The following PCDHB10 variants were observed in gnomAD, a reference collection of about 807,000 sequenced individuals.
The protein encoded by PCDHB10 is protocadherin beta 10, also known as protocadherin beta-10.
For missense variants in PCDHB10, 1,046 were observed against 1,004.7 expected (o/e 1.04, Z -0.56); for synonymous variants, 448 against 449.2 (o/e 1.00, Z 0.04).
rs782681566 is a variant in PCDHB10, at chr5:141,194,334, C to T, written c.1782C>T (p.Gly594=). The change falls in exon 1 of 1, where the codon GGC becomes GGT. Residue 594 remains glycine (G), a synonymous_variant. Transcript: ENST00000239446. Reference sequence around the variant, plus strand: ...TGACCAAGGTGGTGGCGGTGGACGGCGACTCGGGCCAGAACGCCTGGCTGT... The same window carrying T: ...TGACCAAGGTGGTGGCGGTGGACGGTGACTCGGGCCAGAACGCCTGGCTGT... ...YLVTKVVAVD[G]DSGQNAWLSY... 201 of 1,600,874 alleles carry T rather than the reference C, an allele frequency of 1.3e-4. No homozygotes were observed. The highest frequency in any genetic ancestry group is 2.2e-4 in the Middle Eastern group (1 of 4,446).
chr5:141,194,185 G>A lies in PCDHB10; in HGVS notation c.1633G>A (p.Ala545Thr). Residue 545 changes from alanine to threonine, a missense_variant, in exon 1 of 1, where the codon GCG becomes ACG. Physicochemically the swap from Ala to Thr is moderately conservative, Grantham distance 58 (BLOSUM62 0). Transcript: ENST00000239446. ...DRGSPALSRE[A>T]LVRVLVLDAN... ...CGGCTCCCCCGCGCTGAGCAGAGAG[G>A]CGCTGGTGCGCGTGCTGGTGCTGGA... 1.2e-6 allele frequency: 2 copies of A among 1,602,986 alleles called. No homozygotes were observed. The highest frequency in any genetic ancestry group is 1.7e-6 in the Non-Finnish European group (2 of 1,177,866).
In PCDHB10 at chr5:141,192,922, A is replaced by G. The variant is rs377292142; in HGVS notation, c.370A>G (p.Arg124Gly). ...GATTTACCGGGCTGAGCTGAGAGTC[A>G]GGGATATAAATGATCACGCGCCAGT... Reference protein sequence around the residue: ...FQIYRAELRVRDINDHAPVFQ... With the variant: ...FQIYRAELRVGDINDHAPVFQ... The change falls in exon 1 of 1, where the codon AGG (arginine) becomes GGG (glycine). Residue 124 changes from arginine (R) to glycine (G), a missense_variant. Physicochemically the swap from Arg to Gly is moderately radical, Grantham distance 125. Transcript: ENST00000239446. 61 of 1,614,164 alleles carry G rather than the reference A, an allele frequency of 3.8e-5. No homozygotes were observed. The African/African-American group carries it at 6.4e-4, about 17-fold the overall frequency.
Position 141,193,030 on chromosome 5 carries a change from C to A in PCDHB10, c.478C>A (p.Pro160Thr), listed in dbSNP as rs782805059. ...ATTTAGACTAGAAAGAGCACAGGAT[C>A]CAGATGGAGGACTTAACGGTATCCA... ...TAFRLERAQD[P>T]DGGLNGIQNY... Residue 160 changes from proline to threonine, a missense_variant, in exon 1 of 1, where the codon CCA (proline) becomes ACA (threonine). By Grantham distance (38) the Pro-to-Thr change is conservative (BLOSUM62 -1). Coordinates refer to ENST00000239446, the MANE Select transcript of PCDHB10 (RefSeq NM_018930.4). 1.2e-5 allele frequency: 20 copies of A among 1,614,044 alleles called. No homozygotes were observed. In the East Asian group the frequency reaches 2.9e-4, roughly 23 times the overall value.
Position 141,192,564 on chromosome 5 carries a change from A to G in PCDHB10, c.12A>G (p.Arg4=). 2 of 1,613,628 alleles carry G rather than the reference A, an allele frequency of 1.2e-6. No homozygotes were observed. Among genetic ancestry groups the G allele is most frequent in the African/African-American group, 1.3e-5 (1 of 74,924 alleles). The change falls in exon 1 of 1, where the codon AGA becomes AGG. Residue 4 remains arginine (R), a synonymous_variant. Transcript: ENST00000239446. MAV[R]ELCFPRQRQV... ...CGTATGCAGCAGCTATGGCTGTCAG[A>G]GAGTTGTGCTTCCCAAGACAAAGGC... is the stretch of plus-strand genomic sequence containing the variant.
At position 141,192,453 on chromosome 5, in the gene PCDHB10, C is replaced by A. The variant is rs1168168768; in HGVS notation, c.-100C>A. 4 of 1,460,176 alleles carry A rather than the reference C, an allele frequency of 2.7e-6. No individual in the cohort carries two copies. The highest frequency in any genetic ancestry group is 3.7e-6 in the Non-Finnish European group (4 of 1,081,748). The allele number at this position is 1,460,176 out of a possible 1,614,324, so 90.5% of individuals were successfully genotyped here. A position where few individuals can be genotyped will look rare whatever the true frequency, so the allele number is the denominator to read the frequency against. On this transcript the variant is annotated 5_prime_UTR_variant, in exon 1 of 1. Coordinates refer to ENST00000239446, the MANE Select transcript of PCDHB10 (RefSeq NM_018930.4). ...TGGGAAAGGGAAAGGACAAAAAAGA[C>A]CCCTGGGCTACACGGCGTAGGTGCA...
chr5:141,194,846 A>C lies in PCDHB10; in HGVS notation c.2294A>C (p.Glu765Ala), dbSNP rs1754020315. 2 of 1,614,074 alleles carry C rather than the reference A, an allele frequency of 1.2e-6. No individual in the cohort carries two copies. Among genetic ancestry groups the C allele is most frequent in the East Asian group, 4.5e-5 (2 of 44,894 alleles). Residue 765 changes from glutamate (E) to alanine (A), a missense_variant, in exon 1 of 1, where the codon GAG becomes GCG. Transcript: ENST00000239446. ...CTGACGGGAGGCCCCGGGACCAGTG[A>C]GTTCAAGTTCTTGAAACCAGTTATT... The part of the protein sequence containing the change: ...VCLTGGPGTS[E>A]FKFLKPVISD...
In PCDHB10 at chr5:141,195,572, A is replaced by G. The variant is rs533318025; in HGVS notation, c.*617A>G. ...CTTTTGCTGATGTATAAAACAGACT[A>G]TGCCTTATAATTGAAATAAAATTAT... On this transcript the variant is annotated 3_prime_UTR_variant, in exon 1 of 1. Coordinates refer to ENST00000239446, the MANE Select transcript of PCDHB10 (RefSeq NM_018930.4). The G allele has an allele frequency of 6.0e-5, 10 of 166,828 alleles. No homozygotes were observed. The highest frequency in any genetic ancestry group is 2.4e-4 in the African/African-American group (10 of 41,566). 10.3% of individuals were successfully genotyped at this position (166,828 alleles called of 1,614,324 possible).
In PCDHB10 at chr5:141,194,830, G is replaced by A. The variant is rs782692095; in HGVS notation, c.2278G>A (p.Gly760Ser). ...CCAGTATGAGGTGTGTCTGACGGGA[G>A]GCCCCGGGACCAGTGAGTTCAAGTT... ...SYQYEVCLTG[G>S]PGTSEFKFLK... The change falls in exon 1 of 1, where the codon GGC becomes AGC. Residue 760 changes from glycine (G) to serine (S), a missense_variant. Coordinates refer to ENST00000239446, the MANE Select transcript of PCDHB10 (RefSeq NM_018930.4). The A allele has an allele frequency of 4.3e-6, 7 of 1,614,046 alleles. No homozygotes were observed. The Admixed American group carries it at 6.7e-5, about 15-fold the overall frequency.
Position 141,194,828 on chromosome 5 carries a change from G to T in PCDHB10, c.2276G>T (p.Gly759Val). The change falls in exon 1 of 1, where the codon GGA (glycine) becomes GTA (valine). Residue 759 changes from glycine (G) to valine (V), a missense_variant. Coordinates refer to ENST00000239446, the MANE Select transcript of PCDHB10 (RefSeq NM_018930.4). ...QSYQYEVCLT[G>V]GPGTSEFKFL... is the part of the protein sequence containing the mutation. ...TACCAGTATGAGGTGTGTCTGACGG[G>T]AGGCCCCGGGACCAGTGAGTTCAAG... The T allele has an allele frequency of 1.9e-6, 3 of 1,614,178 alleles. No individual in the cohort carries two copies. The highest frequency in any genetic ancestry group is 2.2e-5 in the East Asian group (1 of 44,872).
chr5:141,192,557 C>G lies in PCDHB10; in HGVS notation c.5C>G (p.Ala2Gly). The G allele has an allele frequency of 6.2e-7, 1 of 1,613,248 alleles. No individual in the cohort carries two copies. The change falls in exon 1 of 1, where the codon GCT becomes GGT. Residue 2 changes from alanine to glycine, a missense_variant. Physicochemically the swap from Ala to Gly is moderately conservative, Grantham distance 60. Transcript: ENST00000239446. ...GAAATAACGTATGCAGCAGCTATGG[C>G]TGTCAGAGAGTTGTGCTTCCCAAGA... is the stretch of plus-strand genomic sequence containing the variant. The part of the protein sequence containing the change: M[A>G]VRELCFPRQR...
Position 141,192,488 on chromosome 5 carries a change from A to G in PCDHB10, c.-65A>G. 1.3e-6 allele frequency: 2 copies of G among 1,563,952 alleles called. No individual in the cohort carries two copies. Among genetic ancestry groups the G allele is most frequent in the Non-Finnish European group, 1.7e-6 (2 of 1,156,650 alleles). On this transcript the variant is annotated 5_prime_UTR_variant, in exon 1 of 1. Coordinates refer to ENST00000239446, the MANE Select transcript of PCDHB10 (RefSeq NM_018930.4). ...ACACGGCGTAGGTGCAGGGTTTCCT[A>G]CTGCTGTTCTTTTATGCTGGGAGCT...
chr5:141,193,365 T>A lies in PCDHB10; in HGVS notation c.813T>A (p.Ser271=), dbSNP rs1554284045. ...IVKVWAEDVD[S]GVNAEVSYSF... ...AGGTATGGGCAGAAGATGTAGACTC[T>A]GGAGTCAACGCGGAAGTATCCTATT... is the stretch of plus-strand genomic sequence containing the variant. Residue 271 remains serine, a synonymous_variant, in exon 1 of 1, where the codon TCT becomes TCA. Coordinates refer to ENST00000239446, the MANE Select transcript of PCDHB10 (RefSeq NM_018930.4). 5 of 1,614,078 alleles carry A rather than the reference T, an allele frequency of 3.1e-6. No homozygotes were observed. Among genetic ancestry groups the A allele is most frequent in the Admixed American group, 1.7e-5 (1 of 60,006 alleles).
In PCDHB10 at chr5:141,193,052, T is replaced by C; in HGVS notation, c.500T>C (p.Ile167Thr). Reference sequence around the variant, plus strand: ...GATCCAGATGGAGGACTTAACGGTATCCAAAACTACACGATCAGCCCCAAC... The same window carrying C: ...GATCCAGATGGAGGACTTAACGGTACCCAAAACTACACGATCAGCCCCAAC... ...AQDPDGGLNG[I>T]QNYTISPNSF... The change falls in exon 1 of 1, where the codon ATC (isoleucine) becomes ACC (threonine). Residue 167 changes from isoleucine (I) to threonine (T), a missense_variant. Coordinates refer to ENST00000239446, the MANE Select transcript of PCDHB10 (RefSeq NM_018930.4). 2 of 1,614,028 alleles carry C rather than the reference T, an allele frequency of 1.2e-6. No homozygotes were observed. Among genetic ancestry groups the C allele is most frequent in the South Asian group, 1.1e-5 (1 of 91,078 alleles).
chr5:141,194,547 C>A lies in PCDHB10; in HGVS notation c.1995C>A (p.Gly665=). Residue 665 remains glycine, a synonymous_variant, in exon 1 of 1, where the codon GGC becomes GGA. Coordinates refer to ENST00000239446, the MANE Select transcript of PCDHB10 (RefSeq NM_018930.4). ...TATLHLLLVD[G]FSQPYLPLPE... ...CGCTGCACTTGCTCCTGGTGGACGG[C>A]TTCTCCCAGCCCTACCTGCCTCTCC... 1.3e-6 allele frequency: 2 copies of A among 1,579,046 alleles called. 1 individual carries two copies. Among genetic ancestry groups the A allele is most frequent in the South Asian group, 2.3e-5 (2 of 88,600 alleles).
In PCDHB10 at chr5:141,193,522, G is replaced by C. The variant is rs551071310; in HGVS notation, c.970G>C (p.Gly324Arg). 1.2e-6 allele frequency: 2 copies of C among 1,614,130 alleles called. No homozygotes were observed. The highest frequency in any genetic ancestry group is 1.1e-5 in the South Asian group (1 of 91,070). Reference protein sequence around the residue: ...SYKINIQAMDGGGLSARCRVL... With the variant: ...SYKINIQAMDRGGLSARCRVL... The stretch of plus-strand genomic sequence containing the variant: ...CAAAATAAATATACAGGCAATGGAC[G>C]GTGGAGGCCTTTCTGCAAGATGTAG... The change falls in exon 1 of 1, where the codon GGT becomes CGT. Residue 324 changes from glycine to arginine, a missense_variant. By Grantham distance (125) the Gly-to-Arg change is moderately radical. Coordinates refer to ENST00000239446, the MANE Select transcript of PCDHB10 (RefSeq NM_018930.4).
chr5:141,193,277 T>C lies in PCDHB10; in HGVS notation c.725T>C (p.Phe242Ser). ...GACGTCAATGACAATGCCCCACAGTTTGCCCAGGCTCTGTATGAGACCCAG... is the reference window on the plus strand; with the variant it reads ...GACGTCAATGACAATGCCCCACAGTCTGCCCAGGCTCTGTATGAGACCCAG... The part of the protein sequence containing the change: ...VLDVNDNAPQ[F>S]AQALYETQAP... The change falls in exon 1 of 1, where the codon TTT (phenylalanine) becomes TCT (serine). Residue 242 changes from phenylalanine (F) to serine (S), a missense_variant. By Grantham distance (155) the Phe-to-Ser change is radical. Coordinates refer to ENST00000239446, the MANE Select transcript of PCDHB10 (RefSeq NM_018930.4). 1 of 1,614,050 alleles carries C rather than the reference T, an allele frequency of 6.2e-7. No individual in the cohort carries two copies. Among genetic ancestry groups the C allele is most frequent in the Non-Finnish European group, 8.5e-7 (1 of 1,180,014 alleles).
Position 141,193,750 on chromosome 5 carries a change from T to G in PCDHB10, c.1198T>G (p.Phe400Val). The change falls in exon 1 of 1, where the codon TTT becomes GTT. Residue 400 changes from phenylalanine to valine, a missense_variant. Transcript: ENST00000239446. ...CCTACTAAAACCTTCTGTGGAGAAT[T>G]TTTACATCCTAATTACAGAAGGCGC... is the stretch of plus-strand genomic sequence containing the variant. The part of the protein sequence containing the change: ...PFLLKPSVEN[F>V]YILITEGALD... 1 of 1,614,092 alleles carries G rather than the reference T, an allele frequency of 6.2e-7. No individual in the cohort carries two copies. Among genetic ancestry groups the G allele is most frequent in the Non-Finnish European group, 8.5e-7 (1 of 1,180,044 alleles).
rs868938124 is a variant in PCDHB10, at chr5:141,195,215, C to T, written c.*260C>T. On this transcript the variant is annotated 3_prime_UTR_variant, in exon 1 of 1. Transcript: ENST00000239446. ...CAAGGAATTAATTACTATTATATCT[C>T]ATTACAGAAATCTGAGGTTTTGATT... 3 of 326,270 alleles carry T rather than the reference C, an allele frequency of 9.2e-6. No individual in the cohort carries two copies. The highest frequency in any genetic ancestry group is 1.8e-5 in the Non-Finnish European group (3 of 171,010). The allele number at this position is 326,270 out of a possible 1,614,324, so 20.2% of individuals were successfully genotyped here. A position where few individuals can be genotyped will look rare whatever the true frequency, so the allele number is the denominator to read the frequency against.
Position 141,194,227 on chromosome 5 carries a change from C to T in PCDHB10, c.1675C>T (p.Pro559Ser), listed in dbSNP as rs1250988009. 1 of 1,604,522 alleles carries T rather than the reference C, an allele frequency of 6.2e-7. No individual in the cohort carries two copies. Among genetic ancestry groups the T allele is most frequent in the Non-Finnish European group, 8.5e-7 (1 of 1,178,190 alleles). The change falls in exon 1 of 1, where the codon CCC becomes TCC. Residue 559 changes from proline to serine, a missense_variant. By Grantham distance (74) the Pro-to-Ser change is moderately conservative. Transcript: ENST00000239446. ...VLVLDANDNS[P>S]FVLYPLQNGS... ...GGTGCTGGACGCCAACGACAACTCG[C>T]CCTTCGTGCTGTACCCGCTGCAGAA...
Sources: allele counts gnomAD v4.1 joint callset, GRCh38; gene constraint gnomAD v4.1.1; transcripts MANE v1.5; gene names NCBI Gene and HGNC (gene_info 2026-07-23, HGNC 2026-07-21).